Variants in TRAPPC2 observed in about 807,000 individuals in gnomAD.
TRAPPC2 encodes the protein trafficking protein particle complex subunit 2, also known as sedlin.
TRAPPC2 carries 4 observed loss-of-function variants against 10.0 expected under a neutral mutation model. The ratio of observed to expected loss-of-function variants is 0.40; its 90% CI spans 0.20 to 0.92. TRAPPC2 has a LOEUF of 0.92. Among genes scored for constraint, TRAPPC2 ranks in the 40% least tolerant of loss-of-function variants. TRAPPC2 has a pLI of 0.35. For missense variants in TRAPPC2, 52 were observed against 108.7 expected, an observed-to-expected ratio of 0.48 and a Z score of 2.32; for synonymous variants, 36 against 37.3, an observed-to-expected ratio of 0.97 and a Z score of 0.12.
At chrX:13,730,637 A>G in intron 2 of TRAPPC2, among the ~76,000 whole-genome samples, 1 of 111,917 alleles carries the variant, frequency 8.9e-6, no homozygotes, top group Non-Finnish European at 1.9e-5. Context: ...TTGTGGCACT[A>G]TTCACAATAG....
chrX:13,722,208 C>CCAAAAAAAAA (rs1555898002), intron 2 of TRAPPC2: 2 of 36,116 alleles, frequency 5.5e-5, no homozygotes, highest in African/African-American at 2.4e-4. Flanking sequence ...TAAGCAGCAG[C>CCAAAAAAAAA]AAAAAAAAAA....
intron 2 of TRAPPC2, among the ~76,000 whole-genome samples, chrX:13,729,493 T>C (rs1451041636): frequency 8.9e-6 from 1 of 112,328 alleles, no homozygotes; most frequent in Non-Finnish European, 1.9e-5. Flanking sequence ...AAACAAGAAA[T>C]GGGGAAAGGA....
At chrX:13,731,457 A>AT (rs2146878991) in intron 2 of TRAPPC2, among the ~76,000 whole-genome samples, 1 of 112,574 alleles carries the variant, frequency 8.9e-6, no homozygotes, top group Admixed American at 9.4e-5. Flanking sequence ...CCAAATTTAC[A>AT]TTTTTTGTTT....
rs770233317 is a variant in TRAPPC2 at position 13,719,980 on chromosome X, C to T, written c.-17G>A. On this transcript the variant is annotated splice_region_variant and 5_prime_UTR_variant, in exon 3 of 6. Coordinates refer to ENST00000380579, the MANE Select transcript of TRAPPC2 (RefSeq NM_001011658.4). ...CCCAGACATGGTCTTCAATATATGG[C>T]TCCTAATTAAGTGAAAAATAGTACA... 2 of 1,110,650 alleles carry T rather than the reference C, an allele frequency of 1.8e-6. No individual in the cohort carries two copies. The highest frequency in any genetic ancestry group is 2.4e-6 in the Non-Finnish European group (2 of 835,240). The allele number at this position is 1,110,650 out of a possible 1,213,427, so 91.5% of individuals were successfully genotyped here.
rs2046239535 is a variant in TRAPPC2, at chrX:13,713,351, G to A, written c.*1056C>T. 1 of 106,291 alleles carries A rather than the reference G, an allele frequency of 9.4e-6. No homozygotes were observed. The highest frequency in any genetic ancestry group is 1.0e-4 in the Admixed American group (1 of 9,678). The allele number at this position is 106,291 out of a possible 1,213,427, so 8.8% of individuals were successfully genotyped here. Reference sequence around the variant, plus strand: ...TGTAATCCCAGCTACTCGGGAGGCTGAAGAAGGAGAATTGCTTGAACCCAG... The same window carrying A: ...TGTAATCCCAGCTACTCGGGAGGCTAAAGAAGGAGAATTGCTTGAACCCAG... On this transcript the variant is annotated 3_prime_UTR_variant, in exon 6 of 6. Coordinates refer to ENST00000380579, the MANE Select transcript of TRAPPC2 (RefSeq NM_001011658.4).
At chrX:13,729,922 C>G (rs1023915284) in intron 2 of TRAPPC2, among the ~76,000 whole-genome samples, 2 of 110,420 alleles carry the variant, frequency 1.8e-5, no homozygotes, top group Non-Finnish European at 3.8e-5. Context: ...AAACAAAAAA[C>G]AAACAAAAAA....
intron 2 of TRAPPC2, 77 bp downstream of exon 2, chrX:13,733,967 C>A: frequency 2.0e-6 from 1 of 510,726 alleles, no homozygotes. Context: ...CTGGCTGTAA[C>A]ATTTTCATTA....
intron 2 of TRAPPC2, among the ~76,000 whole-genome samples, chrX:13,730,268 A>G (rs947188866): frequency 8.9e-6 from 1 of 111,781 alleles, no homozygotes; most frequent in Admixed American, 9.5e-5. Context: ...AGATATGAAC[A>G]GAGACTTCTC....
In TRAPPC2 at chrX:13,727,926, C is replaced by T. The variant is rs758347295; in HGVS notation, c.-20+6118G>A. Among the ~76,000 whole-genome samples the T allele has an allele frequency of 1.9e-4, 21 of 111,080 alleles. 1 individual carries two copies. Among genetic ancestry groups the T allele is most frequent in the East Asian group, 8.4e-4 (3 of 3,581 alleles). ...AAAATGATAAAGGGGATATCACCAC[C>T]GATCCCACAGAAATACAAACTACCA... On this transcript the variant is annotated intron_variant, in intron 2 of 5. Transcript: ENST00000380579.
chrX:13,720,168 C>A (rs2046378106), intron 2 of TRAPPC2, 186 bp from the exon 3 acceptor site: 1 of 286,355 alleles, frequency 3.5e-6, no homozygotes, highest in Non-Finnish European at 6.1e-6. Flanking sequence ...AATTATGTAT[C>A]TATGATATGA....
chrX:13,728,550 GC>G (rs1203556051), intron 2 of TRAPPC2, among the ~76,000 whole-genome samples: 1 of 111,646 alleles, frequency 9.0e-6, no homozygotes, highest in Non-Finnish European at 1.9e-5. Context: ...AAATTCAACA[GC>G]CCTTCATGTT....
At chrX:13,729,980 C>G (rs2046639905) in intron 2 of TRAPPC2, among the ~76,000 whole-genome samples, 1 of 111,690 alleles carries the variant, frequency 9.0e-6, no homozygotes, top group African/African-American at 3.3e-5. Context: ...AGAGGAAAAC[C>G]TAGGCAATAC....
chrX:13,732,785 A>G (rs957640684), intron 2 of TRAPPC2, among the ~76,000 whole-genome samples: 7 of 112,247 alleles, frequency 6.2e-5, no homozygotes, highest in Non-Finnish European at 9.4e-5. Context: ...GCAAGATAAA[A>G]CTCATGGACT....
At chrX:13,729,801 G>A (rs1327215731) in intron 2 of TRAPPC2, among the ~76,000 whole-genome samples, 5 of 111,542 alleles carry the variant, frequency 4.5e-5, no homozygotes, top group Admixed American at 9.5e-5. Flanking sequence ...CCTGCTACTC[G>A]GGAGGCAGAA....
intron 4 of TRAPPC2, 28 bp downstream of exon 4, chrX:13,716,506 G>T (rs746617820): frequency 3.3e-6 from 4 of 1,208,924 alleles, no homozygotes; most frequent in Non-Finnish European, 4.5e-6. Flanking sequence ...ACTTTAGTTA[G>T]TTACCTTTAC....
intron 2 of TRAPPC2, among the ~76,000 whole-genome samples, chrX:13,724,182 G>A (rs1378400507): frequency 1.8e-5 from 2 of 110,849 alleles, no homozygotes; most frequent in Non-Finnish European, 3.8e-5. Flanking sequence ...TGTCTTCAGT[G>A]GCTAGGGAAA....
chrX:13,730,378 C>T (rs1056911477), intron 2 of TRAPPC2, among the ~76,000 whole-genome samples: 9 of 112,018 alleles, frequency 8.0e-5, no homozygotes, highest in African/African-American at 2.3e-4. Context: ...TACCATCTCA[C>T]GCCAGTTAGA....
chrX:13,730,422 T>C (rs1023885594), intron 2 of TRAPPC2, among the ~76,000 whole-genome samples: 1 of 111,851 alleles, frequency 8.9e-6, no homozygotes, highest in African/African-American at 3.3e-5. Flanking sequence ...AAATAACAGA[T>C]GCTGGAGAGG....
At chrX:13,722,208 C>CCAAAAAAAAAAAAAAAAA (rs1555898002) in intron 2 of TRAPPC2, 1 of 36,116 alleles carries the variant, frequency 2.8e-5, no homozygotes, top group African/African-American at 1.2e-4. Flanking sequence ...TAAGCAGCAG[C>CCAAAAAAAAAAAAAAAAA]AAAAAAAAAA....
Sources: gnomAD v4.1 joint callset for allele counts (sites outside exome capture counted in the v4.1 genomes callset) on GRCh38, gnomAD v4.1.1 for gene constraint, MANE v1.5 for transcripts, NCBI Gene and HGNC (gene_info 2026-07-23, HGNC 2026-07-21) for gene names.